NCALD: variants seen among roughly 807,000 people sequenced by gnomAD.
NCALD encodes neurocalcin delta.
In NCALD, 10 loss-of-function variants were observed where a neutral mutation model predicts 18.6. The observed-to-expected ratio is 0.54, with a 90% confidence interval of 0.33 to 0.91. The LOEUF is 0.91. Ranked by LOEUF, NCALD falls within the 40% of genes least tolerant of loss-of-function variation. The pLI is 0.03. For synonymous variants in NCALD, 88 were observed against 87.4 expected (o/e 1.01, Z -0.04); for missense variants, 184 against 247.6 (o/e 0.74, Z 1.72).
intron 3 of NCALD, among the ~76,000 whole-genome samples, chr8:101,892,510 G>A (rs1450760857): frequency 6.7e-6 from 1 of 149,572 alleles, no homozygotes; most frequent in Non-Finnish European, 1.5e-5. Context: ...AAAGCTGGAT[G>A]GAGAATGACT....
chr8:101,933,375 C>T (rs1044637187), intron 2 of NCALD, among the ~76,000 whole-genome samples: 1 of 152,190 alleles, frequency 6.6e-6, no homozygotes, highest in Non-Finnish European at 1.5e-5. Flanking sequence ...CAGCCAGGAG[C>T]TGAGGCATGC....
chr8:101,872,406 G>C, intron 4 of NCALD: 1 of 1,422,326 alleles, frequency 7.0e-7, no homozygotes, highest in Non-Finnish European at 9.9e-7. Context: ...TCATATCTTC[G>C]TATGTTGTCA....
chr8:102,000,835 C>T lies in NCALD; in HGVS notation c.-157+19402G>A, dbSNP rs1254791683. Among the ~76,000 whole-genome samples, 3 of 152,322 alleles carry T rather than the reference C, an allele frequency of 2.0e-5. No individual in the cohort carries two copies. The South Asian group carries it at 6.2e-4, about 32-fold the overall frequency. On this transcript the variant is annotated intron_variant, in intron 2 of 6. Coordinates refer to the NCALD transcript ENST00000311028. ...AGGGTCCTGACTGTTAGAAGGAAAA[C>T]TAACAAACAGAAAGGACAGCCACAC...
intron 1 of NCALD, among the ~76,000 whole-genome samples, chr8:102,054,713 GATA>G (rs1823582829): frequency 9.4e-6 from 1 of 106,460 alleles, no homozygotes; most frequent in African/African-American, 3.4e-5. Flanking sequence ...TAGATAGATA[GATA>G]GATATCCTAT....
intron 1 of NCALD, chr8:101,788,989 G>A (rs1454107119): frequency 4.6e-5 from 7 of 152,150 alleles, no homozygotes; most frequent in African/African-American, 1.4e-4. Flanking sequence ...TGCCATCAAC[G>A]CTGAATTATT....
In NCALD at chr8:101,689,868, T is replaced by A. The variant is rs1323425394; in HGVS notation, c.485-462A>T. Among the ~76,000 whole-genome samples, 1 of 152,198 alleles carries A rather than the reference T, an allele frequency of 6.6e-6. No homozygotes were observed. Among genetic ancestry groups the A allele is most frequent in the Non-Finnish European group, 1.5e-5 (1 of 68,036 alleles). ...CTGGAGCCTTCTGAGCCACTTCGTGTTCTTCAGGCCACTCTGTGTTCTTAG... is the reference window on the plus strand; with the variant it reads ...CTGGAGCCTTCTGAGCCACTTCGTGATCTTCAGGCCACTCTGTGTTCTTAG... On this transcript the variant is annotated intron_variant, in intron 3 of 3. Coordinates refer to ENST00000220931, the MANE Select transcript of NCALD (RefSeq NM_032041.3). This position sits in a 1 kb window ranked among gnomAD's most constrained non-coding sequence, Gnocchi z 4.4.
intron 4 of NCALD, among the ~76,000 whole-genome samples, chr8:101,812,194 T>C (rs1448271297): frequency 1.3e-5 from 2 of 152,144 alleles, no homozygotes; most frequent in Non-Finnish European, 2.9e-5. Context: ...AGTGTGGTCA[T>C]TCAAAGGGCA....
chr8:101,728,630 C>T (rs796253077), intron 1 of NCALD, among the ~76,000 whole-genome samples: 7 of 152,256 alleles, frequency 4.6e-5, no homozygotes, highest in African/African-American at 1.7e-4. Context: ...ACCATCCTGG[C>T]TAACACGGTG....
At chr8:101,749,228 T>A (rs1215544193) in intron 1 of NCALD, among the ~76,000 whole-genome samples, 1 of 152,216 alleles carries the variant, frequency 6.6e-6, no homozygotes, top group Non-Finnish European at 1.5e-5. Flanking sequence ...TTTAAAACAA[T>A]TTTGCTATAA....
intron 3 of NCALD, among the ~76,000 whole-genome samples, chr8:101,895,796 C>A (rs1182155723): frequency 6.8e-6 from 1 of 146,032 alleles, no homozygotes; most frequent in Non-Finnish European, 1.5e-5. Flanking sequence ...ACTTAGGAAT[C>A]CAACTTACAA....
chr8:101,723,710 CTTTATT>C (rs934356914), intron 1 of NCALD, among the ~76,000 whole-genome samples: 3 of 151,618 alleles, frequency 2.0e-5, no homozygotes, highest in African/African-American at 7.3e-5. Context: ...AAAGTTTTGT[CTTTATT>C]TTTAATCACG....
chr8:102,122,231 C>T (rs764530436), intron 1 of NCALD, among the ~76,000 whole-genome samples: 6 of 152,082 alleles, frequency 3.9e-5, no homozygotes, highest in Admixed American at 1.3e-4. Flanking sequence ...ATAGATGCTG[C>T]GACTCAGTGG....
At chr8:101,988,511 A>C (rs1563513931) in intron 2 of NCALD, among the ~76,000 whole-genome samples, 1 of 152,226 alleles carries the variant, frequency 6.6e-6, no homozygotes, top group Non-Finnish European at 1.5e-5. Context: ...GGAGTTGATC[A>C]TATTAGTTAA....
At chr8:102,005,432 C>T (rs1395523713) in intron 2 of NCALD, among the ~76,000 whole-genome samples, 1 of 152,158 alleles carries the variant, frequency 6.6e-6, no homozygotes, top group East Asian at 1.9e-4. Flanking sequence ...GTTGGTGGGA[C>T]TGTAAACTAG....
intron 1 of NCALD, among the ~76,000 whole-genome samples, chr8:102,030,878 A>AAAATAAAT (rs71268540): frequency 7.5e-4 from 112 of 149,536 alleles, no homozygotes; most frequent in African/African-American, 1.8e-3. Flanking sequence ...TCCATCACAA[A>AAAATAAAT]AAATAAATAA....
intron 2 of NCALD, among the ~76,000 whole-genome samples, chr8:101,918,373 C>T (rs971456713): frequency 6.6e-6 from 1 of 152,056 alleles, no homozygotes; most frequent in Admixed American, 6.6e-5. Flanking sequence ...CAGCGAATAT[C>T]ATACTGAAGG....
intron 3 of NCALD, chr8:101,691,696 G>A (rs1563656225): frequency 9.1e-6 from 9 of 985,266 alleles, no homozygotes; most frequent in Non-Finnish European, 9.6e-6. Flanking sequence ...CACCTTTGTG[G>A]AGGAAACAAG....
At chr8:101,923,956 G>A (rs769707052) in intron 2 of NCALD, among the ~76,000 whole-genome samples, 1 of 152,090 alleles carries the variant, frequency 6.6e-6, no homozygotes, top group Non-Finnish European at 1.5e-5. Flanking sequence ...AAGGATACAT[G>A]TGCAGATTTG....
chr8:101,752,992 T>G (rs1260445818), intron 1 of NCALD, among the ~76,000 whole-genome samples: 1 of 152,150 alleles, frequency 6.6e-6, no homozygotes, highest in African/African-American at 2.4e-5. Context: ...CAATTTGAAT[T>G]TCAATGCTCA....
Sources: gnomAD v4.1 joint callset for allele counts (sites outside exome capture counted in the v4.1 genomes callset) on GRCh38, gnomAD v4.1.1 for gene constraint, Gnocchi (gnomAD v3.1) non-coding constraint, MANE v1.5 for transcripts, NCBI Gene and HGNC (gene_info 2026-07-23, HGNC 2026-07-21) for gene names.